NCAM2: variants seen among roughly 807,000 people sequenced by gnomAD.
NCAM2 encodes the protein N-CAM-2.
Under a neutral mutation model 98.1 loss-of-function variants are expected in NCAM2, and 30 were observed. That is an observed-to-expected ratio of 0.31 (90% confidence interval 0.23 to 0.41). The LOEUF is 0.41. Among genes scored for constraint, NCAM2 ranks in the 10% least tolerant of loss-of-function variants. The probability of loss-of-function intolerance (pLI) is 1.00; values close to 1 mark genes in which losing one functional copy is unlikely to be tolerated. For missense variants in NCAM2, 867 were observed against 1,005.8 expected, an observed-to-expected ratio of 0.86 and a Z score of 1.87; for synonymous variants, 368 against 342.4, an observed-to-expected ratio of 1.07 and a Z score of -0.83.
chr21:21,465,722 C>T (rs2847449), intron 12 of NCAM2, among the ~76,000 whole-genome samples: 7,875 of 151,892 alleles, frequency 0.052, 676 homozygotes, highest in African/African-American at 0.18. Context: ...CTTGGAGTTA[C>T]TGTGTAAACC....
chr21:21,106,851 A>G lies in NCAM2; in HGVS notation c.55+108233A>G, dbSNP rs184532733. ...GTCACAAATGTTTTAAAAATTGTTAACATGATATTTTTGTTCTGAGTCAAT... is the reference window on the plus strand; with the variant it reads ...GTCACAAATGTTTTAAAAATTGTTAGCATGATATTTTTGTTCTGAGTCAAT... On this transcript the variant is annotated intron_variant, in intron 1 of 17. Transcript: ENST00000400546. Among the ~76,000 whole-genome samples, 291 of 152,252 alleles carry G rather than the reference A, an allele frequency of 1.9e-3. 1 individual carries two copies. The highest frequency in any genetic ancestry group is 3.5e-3 in the Middle Eastern group (1 of 286).
At chr21:21,119,043 C>G (rs1339157756) in intron 1 of NCAM2, among the ~76,000 whole-genome samples, 3 of 151,970 alleles carry the variant, frequency 2.0e-5, no homozygotes, top group African/African-American at 7.3e-5. Context: ...GTCTGTTTTA[C>G]GTTTTATTTT....
At chr21:21,108,268 G>C (rs556244914) in intron 1 of NCAM2, among the ~76,000 whole-genome samples, 16 of 151,970 alleles carry the variant, frequency 1.1e-4, no homozygotes, top group Admixed American at 4.6e-4. Context: ...CTGTGTGCCA[G>C]GCTTTAAGTC....
chr21:21,367,698 C>G (rs573679337), intron 8 of NCAM2, among the ~76,000 whole-genome samples: 79 of 152,046 alleles, frequency 5.2e-4, no homozygotes, highest in African/African-American at 1.9e-3. Context: ...TTTACAGATG[C>G]TAAACTCCAA....
chr21:21,169,261 C>A (rs2146832471), intron 1 of NCAM2, among the ~76,000 whole-genome samples: 1 of 151,936 alleles, frequency 6.6e-6, no homozygotes, highest in Middle Eastern at 3.4e-3. Flanking sequence ...TAGACAACGA[C>A]CATAAATCCT....
At chr21:21,146,384 A>G (rs1490107746) in intron 1 of NCAM2, among the ~76,000 whole-genome samples, 2 of 151,564 alleles carry the variant, frequency 1.3e-5, no homozygotes, top group African/African-American at 4.8e-5. Flanking sequence ...TCTTCTGATC[A>G]TATGTTTAGG....
intron 9 of NCAM2, among the ~76,000 whole-genome samples, chr21:21,397,973 G>A (rs557977911): frequency 6.6e-6 from 1 of 152,386 alleles, no homozygotes; most frequent in East Asian, 1.9e-4. Flanking sequence ...GCACATGCAT[G>A]TTTATAGCAG....
At chr21:21,193,513 T>G (rs1240081653) in intron 1 of NCAM2, among the ~76,000 whole-genome samples, 7 of 149,136 alleles carry the variant, frequency 4.7e-5, no homozygotes, top group Non-Finnish European at 7.4e-5. Flanking sequence ...TTTTTTTTTT[T>G]TGAGACGGAG....
At chr21:21,432,339 T>C (rs1468230098) in intron 12 of NCAM2, 58 bp downstream of exon 12, 5 of 1,495,008 alleles carry the variant, frequency 3.3e-6, no homozygotes, top group East Asian at 2.3e-5. Context: ...AGTATACCTG[T>C]ATGATTGGCT....
chr21:21,125,007 G>A (rs1263769509), intron 1 of NCAM2, among the ~76,000 whole-genome samples: 1 of 152,076 alleles, frequency 6.6e-6, no homozygotes. Context: ...TAAATTAAAA[G>A]CAAAGGTAAT....
At chr21:21,126,599 A>G (rs542731992) in intron 1 of NCAM2, among the ~76,000 whole-genome samples, 3 of 152,032 alleles carry the variant, frequency 2.0e-5, no homozygotes, top group Non-Finnish European at 2.9e-5. Flanking sequence ...ATTGTGAAAT[A>G]TCATATATTT....
At position 21,461,661 on chromosome 21, in the gene NCAM2, A is replaced by G. The variant is rs137940946; in HGVS notation, c.1655-4945A>G. ...AAAAGTTATTTATACCAAAATATGT[A>G]TGCATACAGGTAAAAGTATGATTCA... On this transcript the variant is annotated intron_variant, in intron 12 of 17. Transcript: ENST00000400546. Among the ~76,000 whole-genome samples, 16 of 152,080 alleles carry G rather than the reference A, an allele frequency of 1.1e-4. No homozygotes were observed. The East Asian group carries it at 2.9e-3, about 28-fold the overall frequency.
At chr21:21,429,897 C>T (rs569132429) in intron 11 of NCAM2, among the ~76,000 whole-genome samples, 97 of 152,098 alleles carry the variant, frequency 6.4e-4, no homozygotes, top group African/African-American at 2.2e-3. Flanking sequence ...TGTGAAAGGC[C>T]GTAAAGCTGT....
In NCAM2 at chr21:21,360,597, C is replaced by A. The variant is rs143741235; in HGVS notation, c.1045-13266C>A. Among the ~76,000 whole-genome samples the A allele has an allele frequency of 5.9e-4, 89 of 151,986 alleles. 1 individual carries two copies. The East Asian group carries it at 0.015, about 25-fold the overall frequency. ...CTACCATTTTACCCCTGGTTCATAG[C>A]GCTTACCTTGTTCACTCCTTTCAAT... On this transcript the variant is annotated intron_variant, in intron 8 of 17. Coordinates refer to ENST00000400546, the MANE Select transcript of NCAM2 (RefSeq NM_004540.5).
intron 5 of NCAM2, among the ~76,000 whole-genome samples, chr21:21,313,488 A>C (rs2147734327): frequency 1.3e-5 from 2 of 151,994 alleles, no homozygotes; most frequent in South Asian, 4.1e-4. Context: ...TCTGAAACCT[A>C]CATTTTCTGA....
chr21:21,076,623 C>T (rs997909079), intron 1 of NCAM2, among the ~76,000 whole-genome samples: 4 of 152,056 alleles, frequency 2.6e-5, no homozygotes, highest in African/African-American at 9.7e-5. Flanking sequence ...GTAGATTTCA[C>T]AATAAAGAAT....
chr21:21,057,784 A>G lies in NCAM2; in HGVS notation c.55+59166A>G, dbSNP rs2065242216. Among the ~76,000 whole-genome samples, 3 of 152,112 alleles carry G rather than the reference A, an allele frequency of 2.0e-5. 1 individual carries two copies. Among genetic ancestry groups the G allele is most frequent in the Admixed American group, 1.3e-4 (2 of 15,244 alleles). ...GACTAGCTAAAACGGGATATCATCT[A>G]CCTGTGCTCCTAAAAGCTTCAGGCC... On this transcript the variant is annotated intron_variant, in intron 1 of 17. Transcript: ENST00000400546.
In NCAM2 at chr21:21,163,231, C is replaced by T. The variant is rs532831346; in HGVS notation, c.56-117347C>T. Among the ~76,000 whole-genome samples the T allele has an allele frequency of 6.6e-5, 10 of 152,192 alleles. 1 individual carries two copies. In the South Asian group the frequency reaches 2.1e-3, roughly 32 times the overall value. On this transcript the variant is annotated intron_variant, in intron 1 of 17. Coordinates refer to ENST00000400546, the MANE Select transcript of NCAM2 (RefSeq NM_004540.5). ...AGTAAAAATAAAGATAAATGCATTA[C>T]ATTCAGTGTTGACAGCCAAAATAGA... is the stretch of plus-strand genomic sequence containing the variant.
rs767125809 is a variant in NCAM2 at position 21,057,262 on chromosome 21, GAGA to G, written c.55+58650_55+58652del. 6.6e-5 allele frequency among the ~76,000 whole-genome samples: 10 copies of G among 152,228 alleles called. No individual in the cohort carries two copies. The East Asian group carries it at 1.7e-3, about 26-fold the overall frequency. ...TTACATGGAGGTAGAAAAGAGTGTT[GAGA>G]AGAAGGAGGGTGATTGCAACAAATA... On this transcript the variant is annotated intron_variant, in intron 1 of 17. Transcript: ENST00000400546.
Sources: gnomAD v4.1 joint callset for allele counts (sites outside exome capture counted in the v4.1 genomes callset) on GRCh38, gnomAD v4.1.1 for gene constraint, MANE v1.5 for transcripts, NCBI Gene and HGNC (gene_info 2026-07-23, HGNC 2026-07-21) for gene names.